CDC73: variants seen among roughly 807,000 people sequenced by gnomAD.
CDC73 encodes cell division cycle 73, also known as parafibromin.
CDC73 carries 21 observed loss-of-function variants against 83.7 expected under a neutral mutation model. The observed-to-expected ratio is 0.25, with a 90% CI of 0.18 to 0.36. The LOEUF (loss-of-function observed/expected upper bound fraction) is 0.36, where lower values mean the gene tolerates loss of function less well. Ranked by LOEUF, CDC73 falls within the 10% of genes least tolerant of loss-of-function variation. CDC73 has a pLI of 1.00. For missense variants in CDC73, 342 were observed against 653.3 expected, an observed-to-expected ratio of 0.52 and a Z score of 5.19; for synonymous variants, 224 against 212.9, an observed-to-expected ratio of 1.05 and a Z score of -0.45.
intron 13 of CDC73, among the ~76,000 whole-genome samples, chr1:193,224,790 G>A (rs1164592227): frequency 6.6e-6 from 1 of 151,996 alleles, no homozygotes; most frequent in Non-Finnish European, 1.5e-5. Context: ...CAATTTTTTA[G>A]CTCAACCAAT....
At position 193,155,185 on chromosome 1, in the gene CDC73, A is replaced by G. The variant is rs938472626; in HGVS notation, c.972+2741A>G. Among the ~76,000 whole-genome samples, 4 of 152,332 alleles carry G rather than the reference A, an allele frequency of 2.6e-5. No individual in the cohort carries two copies. In the South Asian group the frequency reaches 6.2e-4, roughly 24 times the overall value. ...GGATATGTTTTGATAATCACATTTC[A>G]TAAGAATCATGGGTTAGTGAAAGTT... On this transcript the variant is annotated intron_variant, in intron 10 of 16. Coordinates refer to ENST00000367435, the MANE Select transcript of CDC73 (RefSeq NM_024529.5).
chr1:193,253,447 A>G lies in CDC73; in HGVS notation c.*2735A>G. On this transcript the variant is annotated 3_prime_UTR_variant, in exon 17 of 17. Transcript: ENST00000367435. ...TTGTTTTGTGGCCACCCTTTGCACT[A>G]GACCATCCCTTTTATTGGTGGTATT... is the stretch of plus-strand genomic sequence containing the variant. The G allele has an allele frequency of 4.3e-6, 1 of 232,492 alleles. No homozygotes were observed. Among genetic ancestry groups the G allele is most frequent in the Non-Finnish European group, 8.5e-6 (1 of 117,584 alleles). The allele number at this position is 232,492 out of a possible 1,614,324, so 14.4% of individuals were successfully genotyped here.
chr1:193,192,425 A>G (rs1172859126), intron 10 of CDC73, among the ~76,000 whole-genome samples: 2 of 152,332 alleles, frequency 1.3e-5, no homozygotes, highest in East Asian at 1.9e-4. Flanking sequence ...CCTGGGCGAC[A>G]GAGTGAGACA....
chr1:193,251,261 T>G lies in CDC73; in HGVS notation c.*549T>G, dbSNP rs1047801376. 4.3e-6 allele frequency: 1 copy of G among 232,464 alleles called. No homozygotes were observed. The highest frequency in any genetic ancestry group is 2.2e-5 in the African/African-American group (1 of 45,276). The allele number at this position is 232,464 out of a possible 1,614,324, so 14.4% of individuals were successfully genotyped here. ...AATCTAGATCAATTCTTCAATTTGA[T>G]TGAACTGTTCAGCCTTTTCAAGATT... On this transcript the variant is annotated 3_prime_UTR_variant, in exon 17 of 17. Coordinates refer to ENST00000367435, the MANE Select transcript of CDC73 (RefSeq NM_024529.5).
intron 15 of CDC73, among the ~76,000 whole-genome samples, chr1:193,241,105 A>G (rs750039590): frequency 1.3e-5 from 2 of 151,786 alleles, no homozygotes; most frequent in African/African-American, 2.4e-5. Flanking sequence ...CTTGTGTCCT[A>G]TGTTGATATC....
intron 14 of CDC73, among the ~76,000 whole-genome samples, chr1:193,233,728 A>G (rs1233662068): frequency 4.0e-5 from 6 of 151,546 alleles, no homozygotes; most frequent in African/African-American, 7.3e-5. Context: ...TTTTCTGGTA[A>G]GAAAAAAATG....
chr1:193,153,560 T>A (rs1676157676), intron 10 of CDC73, among the ~76,000 whole-genome samples: 1 of 152,176 alleles, frequency 6.6e-6, no homozygotes, highest in Non-Finnish European at 1.5e-5. Context: ...TATATCTACG[T>A]GGGCTTTTAC....
chr1:193,188,768 C>T (rs1362654152), intron 10 of CDC73, among the ~76,000 whole-genome samples: 1 of 152,014 alleles, frequency 6.6e-6, no homozygotes, highest in Admixed American at 6.6e-5. Context: ...TAGTGGGTCC[C>T]TCCAGTATCG....
intron 2 of CDC73, among the ~76,000 whole-genome samples, chr1:193,128,840 C>G (rs57725453): frequency 1.3e-5 from 2 of 152,104 alleles, no homozygotes; most frequent in African/African-American, 4.8e-5. Context: ...CTTGTTGTTA[C>G]TTCATTGTTA....
chr1:193,135,562 A>G lies in CDC73; in HGVS notation c.396A>G (p.Leu132=). ...TCAAACGAGCTGCAGATGAAGTTTT[A>G]GCAGAAGCAAAGAAACCACGAATTG... ...TQVKRAADEV[L]AEAKKPRIED... is the part of the protein sequence containing the mutation. Residue 132 remains leucine (L), a synonymous_variant, in exon 5 of 17, where the codon TTA becomes TTG. Coordinates refer to ENST00000367435, the MANE Select transcript of CDC73 (RefSeq NM_024529.5). The G allele has an allele frequency of 6.2e-7, 1 of 1,613,488 alleles. No homozygotes were observed. Among genetic ancestry groups the G allele is most frequent in the Non-Finnish European group, 8.5e-7 (1 of 1,179,506 alleles).
chr1:193,250,022 A>AT (rs1678021161), intron 16 of CDC73, 151 bp downstream of exon 16: 1 of 731,064 alleles, frequency 1.4e-6, no homozygotes, highest in Non-Finnish European at 2.3e-6. Flanking sequence ...ATAATTAACA[A>AT]TTTTTTATTG....
At chr1:193,151,364 T>C (rs1676107101) in intron 9 of CDC73, among the ~76,000 whole-genome samples, 2 of 152,230 alleles carry the variant, frequency 1.3e-5, no homozygotes, top group African/African-American at 2.4e-5. Context: ...TAATATTCAA[T>C]GTTTTTCTTG....
intron 10 of CDC73, among the ~76,000 whole-genome samples, chr1:193,173,036 G>A (rs1055475407): frequency 1.3e-5 from 2 of 152,168 alleles, no homozygotes; most frequent in Non-Finnish European, 2.9e-5. Context: ...GTGGAGAAAA[G>A]AGGAAAATCC....
rs779704449 is a variant in CDC73, at chr1:193,125,167, C to T, written c.187C>T (p.Leu63=). 29 of 1,611,184 alleles carry T rather than the reference C, an allele frequency of 1.8e-5. No homozygotes were observed. The highest frequency in any genetic ancestry group is 2.2e-5 in the Non-Finnish European group (26 of 1,177,266). The part of the protein sequence containing the change: ...EYYTLDSILF[L]LNNVHLSHPV... Reference sequence around the variant, plus strand: ...CTACACATTGGATTCCATTTTATTTCTACTTAATAACGTGCACCTTTCTCA... The same window carrying T: ...CTACACATTGGATTCCATTTTATTTTTACTTAATAACGTGCACCTTTCTCA... Residue 63 remains leucine (L), a synonymous_variant, in exon 2 of 17, where the codon CTA becomes TTA. Coordinates refer to ENST00000367435, the MANE Select transcript of CDC73 (RefSeq NM_024529.5).
chr1:193,174,044 AT>A (rs1219183565), intron 10 of CDC73, among the ~76,000 whole-genome samples: 2 of 152,162 alleles, frequency 1.3e-5, no homozygotes, highest in African/African-American at 4.8e-5. Flanking sequence ...ATTAATGAAA[AT>A]AAAATTGTAA....
At chr1:193,170,463 T>C (rs368609072) in intron 10 of CDC73, among the ~76,000 whole-genome samples, 1 of 152,136 alleles carries the variant, frequency 6.6e-6, no homozygotes, top group African/African-American at 2.4e-5. Flanking sequence ...ATCTTGTTTT[T>C]TGATAGCCGT....
chr1:193,173,047 CTGGTTACA>C (rs1676545217), intron 10 of CDC73, among the ~76,000 whole-genome samples: 1 of 152,140 alleles, frequency 6.6e-6, no homozygotes, highest in Non-Finnish European at 1.5e-5. Context: ...AGGAAAATCC[CTGGTTACA>C]TTGCACACTC....
At chr1:193,160,694 A>G (rs1162460803) in intron 10 of CDC73, among the ~76,000 whole-genome samples, 2 of 152,050 alleles carry the variant, frequency 1.3e-5, no homozygotes, top group Admixed American at 6.5e-5. Context: ...CTGTTCTTTA[A>G]CATACAAATG....
rs577414726 is a variant in CDC73 at position 193,254,810 on chromosome 1, C to A, written c.*4098C>A. ...TAAAACTAGTTTTATTGCCAAAATT[C>A]AAAAAGTGGGGTTCATGCTATGTCG... On this transcript the variant is annotated 3_prime_UTR_variant, in exon 17 of 17. Transcript: ENST00000367435. 9.2e-5 allele frequency among the ~76,000 whole-genome samples: 14 copies of A among 152,118 alleles called. No homozygotes were observed. In the South Asian group the frequency reaches 2.9e-3, roughly 32 times the overall value.
Sources: gnomAD v4.1 joint callset for allele counts (sites outside exome capture counted in the v4.1 genomes callset) on GRCh38, gnomAD v4.1.1 for gene constraint, MANE v1.5 for transcripts, NCBI Gene and HGNC (gene_info 2026-07-23, HGNC 2026-07-21) for gene names.